Variants in DKK2 observed in about 807,000 individuals in gnomAD.
The protein encoded by DKK2 is dickkopf Wnt signaling pathway inhibitor 2.
In DKK2, 11 loss-of-function variants were observed where a neutral mutation model predicts 28.1. The ratio of observed to expected loss-of-function variants is 0.39; its 90% CI spans 0.25 to 0.65. DKK2 has a LOEUF of 0.65. Ranked by LOEUF, DKK2 falls within the 30% of genes least tolerant of loss-of-function variation. The pLI is 0.47. For synonymous variants in DKK2, 135 were observed against 126.5 expected (o/e 1.07, Z -0.45); for missense variants, 326 against 335.5 (o/e 0.97, Z 0.22).
intron 1 of DKK2, among the ~76,000 whole-genome samples, chr4:106,932,971 C>G (rs752227323): frequency 3.3e-5 from 5 of 152,124 alleles, no homozygotes; most frequent in Non-Finnish European, 5.9e-5. Flanking sequence ...ATTACTGAAT[C>G]TTAGTTTCTT....
intron 1 of DKK2, among the ~76,000 whole-genome samples, chr4:106,963,032 C>T (rs1169258569): frequency 6.6e-6 from 1 of 151,942 alleles, no homozygotes; most frequent in Admixed American, 6.6e-5. Context: ...TTCACTCCAG[C>T]CTGGGCAATA....
At position 107,032,965 on chromosome 4, in the gene DKK2, ACC is replaced by A. The variant is rs1374040884; in HGVS notation, c.222+2403_222+2404del. ...AATAATAATACTAAGAATGTTGGTG[ACC>A]ACATAACTATAGAATAAAAAAGATA... On this transcript the variant is annotated intron_variant, in intron 1 of 3. Coordinates refer to ENST00000285311, the MANE Select transcript of DKK2 (RefSeq NM_014421.3). Among the ~76,000 whole-genome samples, 619 of 152,252 alleles carry A rather than the reference ACC, an allele frequency of 4.1e-3. 4 individuals are homozygous for A. Among genetic ancestry groups the A allele is most frequent in the African/African-American group, 0.013 (541 of 41,560 alleles).
intron 1 of DKK2, among the ~76,000 whole-genome samples, chr4:107,028,691 G>A (rs185215147): frequency 1.6e-4 from 24 of 152,300 alleles, no homozygotes; most frequent in Admixed American, 5.2e-4. Flanking sequence ...CTAATTATCT[G>A]AACGGCAGCT....
intron 1 of DKK2, among the ~76,000 whole-genome samples, chr4:106,974,179 C>T (rs539337319): frequency 2.6e-5 from 4 of 152,054 alleles, no homozygotes; most frequent in South Asian, 2.1e-4. Flanking sequence ...TAGCATGATG[C>T]CTCCAGTTTT....
In DKK2 at chr4:106,997,797, C is replaced by G. The variant is rs143773914; in HGVS notation, c.222+37573G>C. ...TGTGTAATCAGTTACTCAGAAAGTT[C>G]TTTAATAGGTTTACATTTGACCTTC... On this transcript the variant is annotated intron_variant, in intron 1 of 3. Coordinates refer to ENST00000285311, the MANE Select transcript of DKK2 (RefSeq NM_014421.3). Among the ~76,000 whole-genome samples the G allele has an allele frequency of 8.7e-4, 132 of 152,310 alleles. 1 individual carries two copies. Among genetic ancestry groups the G allele is most frequent in the Non-Finnish European group, 1.6e-3 (112 of 68,006 alleles).
chr4:106,998,041 G>A (rs1723301091), intron 1 of DKK2, among the ~76,000 whole-genome samples: 3 of 152,134 alleles, frequency 2.0e-5, no homozygotes, highest in Non-Finnish European at 4.4e-5. Flanking sequence ...TGAAGAACAA[G>A]GATGACCTGG....
At chr4:106,936,341 C>T (rs1220294109) in intron 1 of DKK2, among the ~76,000 whole-genome samples, 2 of 151,818 alleles carry the variant, frequency 1.3e-5, no homozygotes, top group South Asian at 4.2e-4. Flanking sequence ...GGAGCCGATG[C>T]GATCAACTGG....
chr4:106,967,835 A>G (rs1291126674), intron 1 of DKK2, among the ~76,000 whole-genome samples: 1 of 151,546 alleles, frequency 6.6e-6, no homozygotes, highest in African/African-American at 2.4e-5. Flanking sequence ...AAAGGAAGGA[A>G]GGCAAAGAAA....
chr4:106,941,354 G>T (rs1024140711), intron 1 of DKK2, among the ~76,000 whole-genome samples: 1 of 152,146 alleles, frequency 6.6e-6, no homozygotes, highest in African/African-American at 2.4e-5. Flanking sequence ...TAACTCCTGA[G>T]CTTTGAACAA....
intron 1 of DKK2, among the ~76,000 whole-genome samples, chr4:106,998,144 T>A (rs1560588854): frequency 6.6e-6 from 1 of 152,194 alleles, no homozygotes; most frequent in Non-Finnish European, 1.5e-5. Flanking sequence ...GCTTGAAATA[T>A]CCAAGCAAAG....
intron 1 of DKK2, among the ~76,000 whole-genome samples, chr4:106,993,940 G>A (rs901966789): frequency 2.0e-5 from 3 of 152,144 alleles, no homozygotes; most frequent in Admixed American, 6.5e-5. Context: ...TAATGGAAAT[G>A]TTGTGGCTGA....
Position 106,947,349 on chromosome 4 carries a change from G to A in DKK2, c.223-21400C>T, listed in dbSNP as rs143706611. On this transcript the variant is annotated intron_variant, in intron 1 of 3. Coordinates refer to ENST00000285311, the MANE Select transcript of DKK2 (RefSeq NM_014421.3). The stretch of plus-strand genomic sequence containing the variant: ...CTCCTCTCTGCTCAGCCCAATATTG[G>A]TACCCTGTGACAGCTGCTTGAAAGG... 4.4e-3 allele frequency among the ~76,000 whole-genome samples: 666 copies of A among 152,086 alleles called. 5 individuals are homozygous for A. The highest frequency in any genetic ancestry group is 0.015 in the African/African-American group (642 of 41,500).
rs1723956977 is a variant in DKK2, at chr4:107,035,829, T to C, written c.-238A>G. The C allele has an allele frequency of 1.8e-6, 1 of 564,646 alleles. No individual in the cohort carries two copies. Among genetic ancestry groups the C allele is most frequent in the Non-Finnish European group, 3.2e-6 (1 of 316,490 alleles). 35.0% of individuals were successfully genotyped at this position (564,646 alleles called of 1,614,324 possible). ...TCCACCAGGACAGGAAGTTCTGCAA[T>C]AACTGGAAGCAATCAAATGCGAGGC... On this transcript the variant is annotated 5_prime_UTR_variant, in exon 1 of 4. Transcript: ENST00000285311.
At chr4:106,956,967 C>A (rs1393953478) in intron 1 of DKK2, among the ~76,000 whole-genome samples, 82 of 151,502 alleles carry the variant, frequency 5.4e-4, no homozygotes, top group African/African-American at 1.9e-3. Flanking sequence ...GAACAGGCAA[C>A]CTACAAAATG....
intron 1 of DKK2, among the ~76,000 whole-genome samples, chr4:107,004,551 C>A (rs1487271229): frequency 6.6e-6 from 1 of 152,132 alleles, no homozygotes; most frequent in Non-Finnish European, 1.5e-5. Context: ...CCTCACTATG[C>A]AATTCTATAA....
chr4:106,926,284 A>G (rs1158500332), intron 1 of DKK2, among the ~76,000 whole-genome samples: 1 of 152,126 alleles, frequency 6.6e-6, no homozygotes, highest in African/African-American at 2.4e-5. Context: ...TATTGCATTG[A>G]TGCTATTGTA....
At chr4:106,977,267 C>A (rs866500356) in intron 1 of DKK2, among the ~76,000 whole-genome samples, 2 of 152,046 alleles carry the variant, frequency 1.3e-5, no homozygotes, top group African/African-American at 4.8e-5. Context: ...CTGTATTTCC[C>A]GAATTTGAAT....
At chr4:107,008,379 A>G (rs1317688377) in intron 1 of DKK2, among the ~76,000 whole-genome samples, 1 of 152,062 alleles carries the variant, frequency 6.6e-6, no homozygotes, top group East Asian at 1.9e-4. Flanking sequence ...CAATAATTAT[A>G]ATGAGGATAA....
intron 1 of DKK2, among the ~76,000 whole-genome samples, chr4:106,951,300 A>G (rs1194071232): frequency 6.6e-6 from 1 of 152,140 alleles, no homozygotes; most frequent in Non-Finnish European, 1.5e-5. Flanking sequence ...ACAACAAAAG[A>G]ACTACCATGC....
Sources: gnomAD v4.1 joint callset for allele counts (sites outside exome capture counted in the v4.1 genomes callset) on GRCh38, gnomAD v4.1.1 for gene constraint, MANE v1.5 for transcripts, NCBI Gene and HGNC (gene_info 2026-07-23, HGNC 2026-07-21) for gene names.